Variants in PDE11A observed in about 807,000 individuals in gnomAD.
PDE11A encodes phosphodiesterase 11A, also known as dual 3',5'-cyclic-AMP and -GMP phosphodiesterase 11A.
In PDE11A, 100 loss-of-function variants were observed where a neutral mutation model predicts 100.5. That is an observed-to-expected ratio of 1.00 (90% CI 0.85 to 1.18). The LOEUF is 1.18. PDE11A is among the 50% of genes most tolerant of loss of function. The probability of loss-of-function intolerance (pLI) is 0.00; values close to 1 mark genes in which losing one functional copy is unlikely to be tolerated. For synonymous variants in PDE11A, 381 were observed against 420.8 expected (o/e 0.91, Z 1.16); for missense variants, 1,141 against 1,152.6 (o/e 0.99, Z 0.15).
intron 5 of PDE11A, among the ~76,000 whole-genome samples, chr2:177,848,354 C>T (rs935754234): frequency 2.6e-5 from 4 of 152,170 alleles, no homozygotes; most frequent in Admixed American, 6.5e-5. Context: ...AGTGAAACTT[C>T]CTTAAAAGGT....
chr2:178,032,498 A>G (rs1024108800), intron 1 of PDE11A, among the ~76,000 whole-genome samples: 1 of 145,132 alleles, frequency 6.9e-6, no homozygotes, highest in African/African-American at 2.5e-5. Flanking sequence ...AAAAAAAAAA[A>G]GGACTTGGGT....
At chr2:177,634,386 CTCTCTT>C (rs2080001859) in intron 19 of PDE11A, among the ~76,000 whole-genome samples, 4 of 59,372 alleles carry the variant, frequency 6.7e-5, no homozygotes, top group African/African-American at 5.5e-5. Flanking sequence ...CTTTTTCTCT[CTCTCTT>C]TTTTTTTTTT....
chr2:177,715,693 C>T (rs1178554311), intron 12 of PDE11A, among the ~76,000 whole-genome samples: 1 of 152,104 alleles, frequency 6.6e-6, no homozygotes, highest in Admixed American at 6.6e-5. Flanking sequence ...TGCTATTCTT[C>T]TCCCATGGAT....
At position 177,796,580 on chromosome 2, in the gene PDE11A, G is replaced by A. The variant is rs543723003; in HGVS notation, c.1737+20249C>T. On this transcript the variant is annotated intron_variant, in intron 9 of 19. Coordinates refer to ENST00000286063, the MANE Select transcript of PDE11A (RefSeq NM_016953.4). Reference sequence around the variant, plus strand: ...TGAGTAACTCCAATGTCTTCTAAACGGTTTGTAGGCTTAGTTCCTTCTGGT... The same window carrying A: ...TGAGTAACTCCAATGTCTTCTAAACAGTTTGTAGGCTTAGTTCCTTCTGGT... 9.1e-4 allele frequency among the ~76,000 whole-genome samples: 139 copies of A among 152,214 alleles called. 2 individuals are homozygous for A. The highest frequency in any genetic ancestry group is 1.8e-3 in the Admixed American group (28 of 15,296).
At chr2:177,945,657 G>A (rs1351289590) in intron 2 of PDE11A, among the ~76,000 whole-genome samples, 62 of 152,144 alleles carry the variant, frequency 4.1e-4, no homozygotes, top group African/African-American at 1.4e-3. Context: ...GAGCCTCTCC[G>A]CCCGGCAGCC....
At chr2:177,675,105 A>T (rs201933096) in intron 17 of PDE11A, among the ~76,000 whole-genome samples, 2 of 133,204 alleles carry the variant, frequency 1.5e-5, no homozygotes, top group South Asian at 5.2e-4. Flanking sequence ...TTCAGATATT[A>T]AAAAAAAAGA....
chr2:177,986,932 C>T (rs1306604305), intron 2 of PDE11A, among the ~76,000 whole-genome samples: 1 of 151,842 alleles, frequency 6.6e-6, no homozygotes, highest in Non-Finnish European at 1.5e-5. Context: ...TGGTGTTCAG[C>T]CATACATAAA....
intron 15 of PDE11A, chr2:177,688,333 T>C (rs1321432336): frequency 6.6e-6 from 1 of 152,220 alleles, no homozygotes; most frequent in East Asian, 1.9e-4. Context: ...GTAATAATCA[T>C]TACAAAGTAA....
At chr2:177,819,312 TTAATAAGCAG>T (rs2083096640) in intron 7 of PDE11A, among the ~76,000 whole-genome samples, 1 of 152,054 alleles carries the variant, frequency 6.6e-6, no homozygotes, top group South Asian at 2.1e-4. Context: ...ACTAAATCCT[TTAATAAGCAG>T]CAGTGTCTTA....
intron 1 of PDE11A, among the ~76,000 whole-genome samples, chr2:178,034,099 G>A (rs983808653): frequency 1.3e-5 from 2 of 152,096 alleles, no homozygotes; most frequent in Non-Finnish European, 1.5e-5. Context: ...GACACAGACT[G>A]GAAAATTGGA....
At chr2:177,847,076 C>T (rs1449331026) in intron 5 of PDE11A, among the ~76,000 whole-genome samples, 2 of 152,096 alleles carry the variant, frequency 1.3e-5, no homozygotes, top group Non-Finnish European at 2.9e-5. Flanking sequence ...GTCTCCAATT[C>T]CTTAAGTTAC....
intron 19 of PDE11A, among the ~76,000 whole-genome samples, chr2:177,661,343 C>A (rs2080483054): frequency 1.3e-5 from 2 of 152,104 alleles, no homozygotes; most frequent in African/African-American, 2.4e-5. Flanking sequence ...TGTTCAAAAC[C>A]CCAAACTTGA....
chr2:178,020,081 G>T (rs368033723), intron 1 of PDE11A, among the ~76,000 whole-genome samples: 121 of 152,246 alleles, frequency 7.9e-4, no homozygotes, highest in African/African-American at 2.7e-3. Flanking sequence ...TGTCCTAAAT[G>T]ATAAAGACTT....
chr2:177,653,517 A>T (rs1228687563), intron 19 of PDE11A, among the ~76,000 whole-genome samples: 1 of 152,186 alleles, frequency 6.6e-6, no homozygotes, highest in Non-Finnish European at 1.5e-5. Context: ...CCATGTTTGG[A>T]AATAGGGTCT....
At chr2:177,666,904 A>AATTT (rs3056898) in intron 18 of PDE11A, among the ~76,000 whole-genome samples, 2,242 of 141,410 alleles carry the variant, frequency 0.016, 50 homozygotes, top group African/African-American at 0.049. Flanking sequence ...GATAAAGTTC[A>AATTT]ATTTATTTAT....
intron 19 of PDE11A, among the ~76,000 whole-genome samples, chr2:177,662,139 G>A (rs1324454918): frequency 6.6e-6 from 1 of 152,152 alleles, no homozygotes; most frequent in African/African-American, 2.4e-5. Flanking sequence ...GTAACCTAAA[G>A]ATTTCAAAGC....
At chr2:178,097,027 T>C (rs982996148) in intron 2 of PDE11A, among the ~76,000 whole-genome samples, 3 of 152,060 alleles carry the variant, frequency 2.0e-5, no homozygotes, top group Admixed American at 1.3e-4. Context: ...GCTGGGACTA[T>C]AGGCACATGC....
intron 3 of PDE11A, among the ~76,000 whole-genome samples, chr2:177,903,898 G>A (rs547596830): frequency 1.3e-5 from 2 of 152,260 alleles, no homozygotes; most frequent in African/African-American, 4.8e-5. Flanking sequence ...GCAGGAGCAC[G>A]GTAAGACATG....
At chr2:177,691,688 AAAG>A (rs1341100577) in intron 15 of PDE11A, among the ~76,000 whole-genome samples, 1 of 152,148 alleles carries the variant, frequency 6.6e-6, no homozygotes, top group Non-Finnish European at 1.5e-5. Context: ...GTTAATGAGA[AAAG>A]AAAAAACAGC....
Sources: gnomAD v4.1 joint callset for allele counts (sites outside exome capture counted in the v4.1 genomes callset) on GRCh38, gnomAD v4.1.1 for gene constraint, MANE v1.5 for transcripts, NCBI Gene and HGNC (gene_info 2026-07-23, HGNC 2026-07-21) for gene names.